TRHDE: variants seen among roughly 807,000 people sequenced by gnomAD.
The protein encoded by TRHDE is thyrotropin-releasing hormone-degrading ectoenzyme.
A neutral mutation model predicts 125.7 loss-of-function variants in TRHDE; 72 were observed. The ratio of observed to expected loss-of-function variants is 0.57; its 90% CI spans 0.47 to 0.70. The LOEUF (loss-of-function observed/expected upper bound fraction) is 0.70. TRHDE is among the 30% of genes least tolerant of loss of function. TRHDE has a pLI of 0.00. For missense variants in TRHDE, 1,110 were observed against 1,327.1 expected, an observed-to-expected ratio of 0.84 and a Z score of 2.54; for synonymous variants, 509 against 509.1, an observed-to-expected ratio of 1.00 and a Z score of 0.00.
At chr12:72,245,328 G>C (rs1190202325) in intron 2 of TRHDE, among the ~76,000 whole-genome samples, 1 of 151,340 alleles carries the variant, frequency 6.6e-6, no homozygotes, top group Non-Finnish European at 1.5e-5. Flanking sequence ...GATAGATATA[G>C]ATATAGATAA....
intron 1 of TRHDE, among the ~76,000 whole-genome samples, chr12:72,088,972 T>C (rs1288048202): frequency 6.6e-6 from 1 of 152,140 alleles, no homozygotes; most frequent in Admixed American, 6.5e-5. Context: ...ACCTCTCCAT[T>C]TGGATGGCTA....
At chr12:72,208,757 A>G (rs1266143126) in intron 2 of TRHDE, among the ~76,000 whole-genome samples, 2 of 152,230 alleles carry the variant, frequency 1.3e-5, no homozygotes, top group Non-Finnish European at 2.9e-5. Context: ...ATTGTTTGCC[A>G]TGAAAACTAT....
intron 15 of TRHDE, among the ~76,000 whole-genome samples, chr12:72,626,182 GT>G (rs1873250596): frequency 6.6e-6 from 1 of 151,936 alleles, no homozygotes; most frequent in African/African-American, 2.4e-5. Flanking sequence ...TGTTTTCAGA[GT>G]TGAGACACTT....
intron 1 of TRHDE, among the ~76,000 whole-genome samples, chr12:72,281,491 C>G (rs1879696615): frequency 6.6e-6 from 1 of 152,170 alleles, no homozygotes; most frequent in African/African-American, 2.4e-5. Flanking sequence ...TATTACCAAT[C>G]TTAAACTACT....
chr12:72,322,213 C>T (rs1264991468), intron 2 of TRHDE, among the ~76,000 whole-genome samples: 1 of 152,122 alleles, frequency 6.6e-6, no homozygotes, highest in Non-Finnish European at 1.5e-5. Context: ...CAAGGAGATG[C>T]TCTACCTGTT....
At chr12:72,389,627 G>T (rs1443767129) in intron 3 of TRHDE, among the ~76,000 whole-genome samples, 1 of 152,162 alleles carries the variant, frequency 6.6e-6, no homozygotes, top group South Asian at 2.1e-4. Context: ...CAAGTTCTCA[G>T]GTGTATCTTG....
chr12:72,663,121 G>A lies in TRHDE; in HGVS notation c.3136G>A (p.Glu1046Lys), dbSNP rs1219010746. ...ASFSRAVETV[E>K]ANVRWKMLYQ... ...TTTCTCACGAGCTGTGGAAACTGTCGAAGCCAATGTGCGCTGGAAAATGCT... is the reference window on the plus strand; with the variant it reads ...TTTCTCACGAGCTGTGGAAACTGTCAAAGCCAATGTGCGCTGGAAAATGCT... Residue 1046 changes from glutamate (E) to lysine (K), a missense_variant, in exon 19 of 19, where the codon GAA becomes AAA. Around this residue, in one of 5 missense-constraint regions of TRHDE, gnomAD observed 527 missense variants for 651.8 expected, o/e 0.81. Transcript: ENST00000261180. The A allele has an allele frequency of 3.1e-6, 5 of 1,613,032 alleles. No homozygotes were observed. The highest frequency in any genetic ancestry group is 4.2e-6 in the Non-Finnish European group (5 of 1,179,516).
At chr12:72,294,335 A>G (rs993406794) in intron 2 of TRHDE, among the ~76,000 whole-genome samples, 60 of 152,200 alleles carry the variant, frequency 3.9e-4, no homozygotes, top group African/African-American at 9.9e-4. Context: ...TGAATGATAG[A>G]AAAGCTCAGA....
At chr12:72,384,604 C>T (rs181185157) in intron 3 of TRHDE, among the ~76,000 whole-genome samples, 1 of 152,080 alleles carries the variant, frequency 6.6e-6, no homozygotes, top group Admixed American at 6.5e-5. Context: ...GAGAAGAGGC[C>T]ATTTTGAGAA....
intron 6 of TRHDE, among the ~76,000 whole-genome samples, chr12:72,500,348 T>TG: frequency 6.6e-6 from 1 of 152,226 alleles, no homozygotes; most frequent in South Asian, 2.1e-4. Context: ...CAAAGTCTGC[T>TG]GTGATTTTTA....
intron 2 of TRHDE, among the ~76,000 whole-genome samples, chr12:72,124,865 G>T (rs957975175): frequency 2.0e-5 from 3 of 152,036 alleles, no homozygotes; most frequent in Non-Finnish European, 2.9e-5. Context: ...ACAAGATGCT[G>T]TCTCTAAAAA....
At position 72,441,608 on chromosome 12, in the gene TRHDE, G is replaced by C. The variant is rs1048306617; in HGVS notation, c.1316-28150G>C. ...TGTTTTTAAGTGGTTTACTGTTACA[G>C]GCAGAATCATAAAATATAAGTAATA... On this transcript the variant is annotated intron_variant, in intron 3 of 18. Coordinates refer to ENST00000261180, the MANE Select transcript of TRHDE (RefSeq NM_013381.3). Among the ~76,000 whole-genome samples, 8 of 151,838 alleles carry C rather than the reference G, an allele frequency of 5.3e-5. No homozygotes were observed. In the South Asian group the frequency reaches 1.7e-3, roughly 31 times the overall value.
At chr12:72,587,403 G>A (rs1051688711) in intron 12 of TRHDE, among the ~76,000 whole-genome samples, 1 of 152,066 alleles carries the variant, frequency 6.6e-6, no homozygotes, top group African/African-American at 2.4e-5. Context: ...TAGGTATACA[G>A]CGTAGACATT....
intron 12 of TRHDE, among the ~76,000 whole-genome samples, chr12:72,576,949 C>T (rs1037179051): frequency 6.6e-6 from 1 of 152,146 alleles, no homozygotes; most frequent in Admixed American, 6.5e-5. Flanking sequence ...ATAGCACCAT[C>T]TTATTGGGCA....
At chr12:72,471,766 A>C (rs1876660365) in intron 4 of TRHDE, among the ~76,000 whole-genome samples, 1 of 152,140 alleles carries the variant, frequency 6.6e-6, no homozygotes, top group African/African-American at 2.4e-5. Flanking sequence ...TTTCAATGAG[A>C]GATCCTCTTG....
intron 3 of TRHDE, among the ~76,000 whole-genome samples, chr12:72,453,810 G>A (rs930485586): frequency 4.4e-4 from 67 of 152,164 alleles, no homozygotes; most frequent in African/African-American, 1.4e-3. Context: ...AAAGGGGCCC[G>A]GGTACAGCTC....
At chr12:72,141,950 A>G (rs901404982) in intron 2 of TRHDE, among the ~76,000 whole-genome samples, 1 of 152,092 alleles carries the variant, frequency 6.6e-6, no homozygotes, top group Non-Finnish European at 1.5e-5. Context: ...CTAGTTCCTG[A>G]TGGTCCACAC....
At chr12:72,198,810 C>T (rs543245739) in intron 2 of TRHDE, among the ~76,000 whole-genome samples, 6 of 152,058 alleles carry the variant, frequency 3.9e-5, no homozygotes, top group Non-Finnish European at 7.4e-5. Context: ...TGAGACTGGG[C>T]AAATTATAAA....
intron 1 of TRHDE, among the ~76,000 whole-genome samples, chr12:72,087,648 TTCTG>T (rs2139279968): frequency 6.6e-6 from 1 of 152,230 alleles, no homozygotes; most frequent in Admixed American, 6.5e-5. Flanking sequence ...GATAAGGTTT[TTCTG>T]GTGACATGGC....
Sources: allele counts gnomAD v4.1 joint callset (sites outside exome capture counted in the v4.1 genomes callset), GRCh38; gene constraint gnomAD v4.1.1; regional missense constraint gnomAD v4.1.1; transcripts MANE v1.5; gene names NCBI Gene and HGNC (gene_info 2026-07-23, HGNC 2026-07-21).